Variants in SATB2 observed in about 807,000 individuals in gnomAD.
The protein encoded by SATB2 is SATB homeobox 2.
A neutral mutation model predicts 73.4 loss-of-function variants in SATB2; 1 was observed. The observed-to-expected ratio is 0.01, with a 90% confidence interval of 0.00 to 0.06. The LOEUF is 0.06. SATB2 is among the 10% of genes least tolerant of loss of function. The pLI, the probability that SATB2 is intolerant of heterozygous loss-of-function variation, is 1.00. For synonymous variants in SATB2, 397 were observed against 367.0 expected, an observed-to-expected ratio of 1.08 and a Z score of -0.93; for missense variants, 459 against 945.8, an observed-to-expected ratio of 0.49 and a Z score of 6.75.
At chr2:199,409,659 GTTTT>G (rs879885170) in intron 3 of SATB2, among the ~76,000 whole-genome samples, 1 of 123,770 alleles carries the variant, frequency 8.1e-6, no homozygotes, top group African/African-American at 2.8e-5. Flanking sequence ...AGTTTTTTTT[GTTTT>G]TTTTTGTTTT....
At chr2:199,461,963 T>C (rs1424198629), upstream of SATB2, among the ~76,000 whole-genome samples, 1 of 152,188 alleles carries the variant, frequency 6.6e-6, no homozygotes. Flanking sequence ...CCGGACAGCG[T>C]AGGCCTGGGC....
intron 4 of SATB2, 138 bp from the exon 5 acceptor site, chr2:199,380,625 A>T: frequency 9.0e-7 from 1 of 1,105,106 alleles, no homozygotes. Flanking sequence ...TAAGTGAAGG[A>T]AGGGAAGTAA....
intron 8 of SATB2, among the ~76,000 whole-genome samples, chr2:199,327,292 T>C (rs1188526617): frequency 1.3e-5 from 2 of 152,008 alleles, no homozygotes; most frequent in Admixed American, 6.6e-5. Context: ...ATACAAAAAA[T>C]TACCCTGGTG....
chr2:199,401,964 G>C (rs1690493128), intron 3 of SATB2, among the ~76,000 whole-genome samples: 1 of 152,168 alleles, frequency 6.6e-6, no homozygotes, highest in African/African-American at 2.4e-5. Context: ...AAGTGGATCA[G>C]AAGTAAAAGG....
chr2:199,358,549 T>C (rs1170085542), intron 6 of SATB2, among the ~76,000 whole-genome samples: 1 of 152,160 alleles, frequency 6.6e-6, no homozygotes, highest in Non-Finnish European at 1.5e-5. Flanking sequence ...AGAGAATTTG[T>C]CTCTGGGTTG....
At chr2:199,324,622 C>T (rs1449081508) in intron 8 of SATB2, among the ~76,000 whole-genome samples, 2 of 152,066 alleles carry the variant, frequency 1.3e-5, no homozygotes, top group African/African-American at 2.4e-5. Context: ...TTCTGCAGTG[C>T]TCGTTTTAAT....
chr2:199,353,378 C>T (rs946096660), intron 6 of SATB2, among the ~76,000 whole-genome samples: 18 of 151,982 alleles, frequency 1.2e-4, no homozygotes, highest in African/African-American at 4.4e-4. Flanking sequence ...TGGTCTCCAA[C>T]TCCTGACATC....
chr2:199,427,906 TAATA>T (rs1240437522), intron 3 of SATB2, among the ~76,000 whole-genome samples: 2 of 152,168 alleles, frequency 1.3e-5, no homozygotes, highest in Admixed American at 1.3e-4. Flanking sequence ...GAAAAATATA[TAATA>T]AATGAATAAT....
chr2:199,291,328 G>A (rs932308552), intron 10 of SATB2, among the ~76,000 whole-genome samples: 3 of 152,068 alleles, frequency 2.0e-5, no homozygotes, highest in Non-Finnish European at 4.4e-5. Flanking sequence ...GCCTGTCTTC[G>A]TAGCTTACTT....
At chr2:199,328,638 T>C in intron 8 of SATB2, 60 bp downstream of exon 8, 1 of 1,248,346 alleles carries the variant, frequency 8.0e-7, no homozygotes, top group East Asian at 2.3e-5. Flanking sequence ...ACACAGTAAC[T>C]AGTGAAGGCA....
At chr2:199,349,627 A>C (rs185692429) in intron 6 of SATB2, among the ~76,000 whole-genome samples, 1 of 152,358 alleles carries the variant, frequency 6.6e-6, no homozygotes, top group Admixed American at 6.5e-5. Context: ...TAAAAAGCTC[A>C]CATAAATATT....
At chr2:199,465,940 G>T (rs1162733515), upstream of SATB2, among the ~76,000 whole-genome samples, 1 of 152,154 alleles carries the variant, frequency 6.6e-6, no homozygotes, top group Non-Finnish European at 1.5e-5. Context: ...GGAAAAGTCG[G>T]CTCCAGAAGT....
At chr2:199,291,994 C>G (rs907255134) in intron 10 of SATB2, among the ~76,000 whole-genome samples, 1 of 151,996 alleles carries the variant, frequency 6.6e-6, no homozygotes, top group East Asian at 1.9e-4. Context: ...TCCAAACTTT[C>G]TATTTCTGAG....
chr2:199,355,834 A>G (rs895106064), intron 6 of SATB2, among the ~76,000 whole-genome samples: 3 of 152,162 alleles, frequency 2.0e-5, no homozygotes, highest in Non-Finnish European at 4.4e-5. Context: ...CACCATTACA[A>G]GAAAAATAGT....
At chr2:199,320,166 CT>C (rs1687846310) in intron 9 of SATB2, among the ~76,000 whole-genome samples, 1 of 152,052 alleles carries the variant, frequency 6.6e-6, no homozygotes, top group Non-Finnish European at 1.5e-5. Context: ...CCTGGTGGCC[CT>C]TTGTATGTGA....
At chr2:199,395,259 T>C (rs887202599) in intron 3 of SATB2, among the ~76,000 whole-genome samples, 2 of 152,170 alleles carry the variant, frequency 1.3e-5, no homozygotes, top group Non-Finnish European at 2.9e-5. Context: ...ATCAAGAAAT[T>C]GGGCATTTAA....
chr2:199,430,987 T>C (rs1691484540), intron 3 of SATB2, among the ~76,000 whole-genome samples: 1 of 152,166 alleles, frequency 6.6e-6, no homozygotes, highest in South Asian at 2.1e-4. Context: ...TTTTCCAGCA[T>C]AGGAAAAAGA....
chr2:199,281,882 C>CTT (rs10718338), intron 10 of SATB2, among the ~76,000 whole-genome samples: 6 of 124,068 alleles, frequency 4.8e-5, no homozygotes, highest in African/African-American at 1.4e-4. Context: ...TATTCTCTCT[C>CTT]TTTTTTTTTT....
chr2:199,341,306 A>T (rs182707200), intron 7 of SATB2, among the ~76,000 whole-genome samples: 1 of 152,140 alleles, frequency 6.6e-6, no homozygotes, highest in Non-Finnish European at 1.5e-5. Context: ...ACGAATATGG[A>T]AAAAAAAGGA....
Sources: gnomAD v4.1 joint callset for allele counts (sites outside exome capture counted in the v4.1 genomes callset) on GRCh38, gnomAD v4.1.1 for gene constraint, MANE v1.5 for transcripts, NCBI Gene and HGNC (gene_info 2026-07-23, HGNC 2026-07-21) for gene names.